SNTG2: variants seen among roughly 807,000 people sequenced by gnomAD.
SNTG2 encodes syntrophin gamma 2, also known as gamma-2-syntrophin.
In SNTG2, 74 loss-of-function variants were observed where a neutral mutation model predicts 70.9. That is an observed-to-expected ratio of 1.04 (90% CI 0.86 to 1.27). SNTG2 has a LOEUF of 1.27. Among genes scored for constraint, SNTG2 ranks in the 50% most tolerant of loss-of-function variants. SNTG2 has a pLI of 0.00. For missense variants in SNTG2, 717 were observed against 690.7 expected, an observed-to-expected ratio of 1.04 and a Z score of -0.43; for synonymous variants, 278 against 273.8, an observed-to-expected ratio of 1.02 and a Z score of -0.15.
intron 12 of SNTG2, among the ~76,000 whole-genome samples, chr2:1,250,359 C>G (rs1677678126): frequency 6.6e-6 from 1 of 152,200 alleles, no homozygotes; most frequent in Non-Finnish European, 1.5e-5. Flanking sequence ...GCTCCTCCCT[C>G]CATCTCTCTC....
intron 9 of SNTG2, among the ~76,000 whole-genome samples, chr2:1,223,065 G>T (rs368894545): frequency 3.5e-5 from 2 of 56,854 alleles, no homozygotes; most frequent in African/African-American, 1.2e-4. Context: ...AGTGATGGAG[G>T]GCGTCTCCCT....
At position 1,173,139 on chromosome 2, in the gene SNTG2, C is replaced by T; in HGVS notation, c.547C>T (p.Leu183Phe). 6.2e-7 allele frequency: 1 copy of T among 1,614,024 alleles called. No homozygotes were observed. The highest frequency in any genetic ancestry group is 8.5e-7 in the Non-Finnish European group (1 of 1,179,902). ...SDHSSGASSPLFDSGLHLNGN... is the reference protein window; with the variant it reads ...SDHSSGASSPFFDSGLHLNGN... ...CCACAGCAGTGGGGCCTCCTCTCCC[C>T]TCTTTGACAGCGGTTTGCATCTGAA... The change falls in exon 8 of 17, where the codon CTC becomes TTC. Residue 183 changes from leucine (L) to phenylalanine (F), a missense_variant. Transcript: ENST00000308624.
intron 6 of SNTG2, among the ~76,000 whole-genome samples, chr2:1,148,286 A>T (rs1669229802): frequency 6.6e-6 from 1 of 152,190 alleles, no homozygotes; most frequent in Non-Finnish European, 1.5e-5. Flanking sequence ...CACATGGAGA[A>T]GAGAGGGCCT....
At chr2:1,141,303 A>C (rs1383299152) in intron 6 of SNTG2, among the ~76,000 whole-genome samples, 1 of 152,266 alleles carries the variant, frequency 6.6e-6, no homozygotes, top group Non-Finnish European at 1.5e-5. Context: ...TTTTTCCTCA[A>C]GAATGAGTAC....
intron 14 of SNTG2, among the ~76,000 whole-genome samples, chr2:1,301,373 C>T (rs1044609980): frequency 2.6e-5 from 4 of 152,188 alleles, no homozygotes; most frequent in African/African-American, 9.7e-5. Context: ...CAAGGCATAA[C>T]ACCTGTATCA....
chr2:1,262,073 A>G (rs555238324), intron 13 of SNTG2, among the ~76,000 whole-genome samples: 19 of 152,248 alleles, frequency 1.2e-4, no homozygotes, highest in Non-Finnish European at 2.2e-4. Flanking sequence ...TGATTTTCCT[A>G]AAGCCATGTC....
intron 2 of SNTG2, among the ~76,000 whole-genome samples, chr2:1,085,141 T>A (rs1055013892): frequency 6.6e-6 from 1 of 152,212 alleles, no homozygotes; most frequent in African/African-American, 2.4e-5. Flanking sequence ...CTAACCATTA[T>A]TTTTTTTCCT....
intron 13 of SNTG2, chr2:1,262,820 C>T (rs1356059538): frequency 3.4e-5 from 5 of 146,676 alleles, no homozygotes; most frequent in South Asian, 4.4e-4. Flanking sequence ...CGACGAAACC[C>T]GAAGGCTCGG....
intron 2 of SNTG2, among the ~76,000 whole-genome samples, chr2:1,089,579 G>C (rs1489320018): frequency 6.6e-6 from 1 of 152,196 alleles, no homozygotes; most frequent in African/African-American, 2.4e-5. Context: ...AGCTTGCAGT[G>C]AGCCGAGATT....
At position 992,670 on chromosome 2, in the gene SNTG2, A is replaced by C. The variant is rs1175074617; in HGVS notation, c.72+41602A>C. Among the ~76,000 whole-genome samples the C allele has an allele frequency of 2.0e-5, 3 of 152,198 alleles. No homozygotes were observed. The East Asian group carries it at 5.8e-4, about 29-fold the overall frequency. On this transcript the variant is annotated intron_variant, in intron 1 of 16. Coordinates refer to ENST00000308624, the MANE Select transcript of SNTG2 (RefSeq NM_018968.4). Reference sequence around the variant, plus strand: ...TTGCTCCCCTTCCACATTGCATTTCATATGTGACAGTGCAGGGAGTCATTT... The same window carrying C: ...TTGCTCCCCTTCCACATTGCATTTCCTATGTGACAGTGCAGGGAGTCATTT...
At chr2:1,306,290 T>TCAG (rs1257521451) in intron 14 of SNTG2, among the ~76,000 whole-genome samples, 2 of 151,864 alleles carry the variant, frequency 1.3e-5, no homozygotes, top group Admixed American at 1.3e-4. Flanking sequence ...CCTGGAAGGG[T>TCAG]CAGGAGCTGT....
chr2:950,983 C>G lies in SNTG2; in HGVS notation c.-14C>G. ...CGGCCGGCCCGGAGCGCGGACCCAG[C>G]CGCAGGGGCGGCGATGGGCACCGAG... On this transcript the variant is annotated 5_prime_UTR_variant, in exon 1 of 17. Coordinates refer to ENST00000308624, the MANE Select transcript of SNTG2 (RefSeq NM_018968.4). The G allele has an allele frequency of 8.1e-7, 1 of 1,232,624 alleles. No homozygotes were observed. Among genetic ancestry groups the G allele is most frequent in the Non-Finnish European group, 1.0e-6 (1 of 988,038 alleles). 76.4% of individuals were successfully genotyped at this position (1,232,624 alleles called of 1,614,324 possible).
At chr2:1,183,584 G>T (rs28514746) in intron 8 of SNTG2, among the ~76,000 whole-genome samples, 5 of 151,958 alleles carry the variant, frequency 3.3e-5, no homozygotes, top group Non-Finnish European at 7.4e-5. Flanking sequence ...CAACACGATG[G>T]CAAAACAGCA....
chr2:962,659 A>G (rs963628864), intron 1 of SNTG2, among the ~76,000 whole-genome samples: 1 of 152,220 alleles, frequency 6.6e-6, no homozygotes, highest in Admixed American at 6.5e-5. Flanking sequence ...TTTTCACTTC[A>G]TCTTTGAAAT....
At chr2:1,011,013 C>T (rs1000586176) in intron 1 of SNTG2, among the ~76,000 whole-genome samples, 5 of 152,230 alleles carry the variant, frequency 3.3e-5, no homozygotes, top group African/African-American at 1.2e-4. Context: ...TTATAAGATG[C>T]AATGGTGTGT....
rs544522112 is a variant in SNTG2 at position 1,137,814 on chromosome 2, G to A, written c.411+5G>A. 6.2e-7 allele frequency: 1 copy of A among 1,607,754 alleles called. No homozygotes were observed. The highest frequency in any genetic ancestry group is 2.2e-5 in the East Asian group (1 of 44,834). On this transcript the variant is annotated splice_donor_5th_base_variant and intron_variant, in intron 6 of 16. Transcript: ENST00000308624. Reference sequence around the variant, plus strand: ...AATGCAACTCATGAAGAAGTGGTAAGTGAATTACATTTTATAGTTATTCTG... The same window carrying A: ...AATGCAACTCATGAAGAAGTGGTAAATGAATTACATTTTATAGTTATTCTG...
Position 957,043 on chromosome 2 carries a change from G to A in SNTG2, c.72+5975G>A, listed in dbSNP as rs149646357. On this transcript the variant is annotated intron_variant, in intron 1 of 16. Coordinates refer to ENST00000308624, the MANE Select transcript of SNTG2 (RefSeq NM_018968.4). ...TATATTTTACCAAATGGCTCTGTCA[G>A]TTTGCCTTTTTACATGATTAAGTTT... Among the ~76,000 whole-genome samples the A allele has an allele frequency of 6.1e-3, 936 of 152,312 alleles. 7 individuals are homozygous for A. Among genetic ancestry groups the A allele is most frequent in the South Asian group, 0.011 (53 of 4,826 alleles).
At chr2:1,017,912 C>G (rs994070987) in intron 1 of SNTG2, among the ~76,000 whole-genome samples, 2 of 152,158 alleles carry the variant, frequency 1.3e-5, no homozygotes, top group African/African-American at 4.8e-5. Flanking sequence ...GGTGTCTGGT[C>G]AGCTCATAAC....
intron 8 of SNTG2, among the ~76,000 whole-genome samples, chr2:1,173,476 TA>T (rs1198690730): frequency 6.6e-6 from 1 of 152,244 alleles, no homozygotes; most frequent in Non-Finnish European, 1.5e-5. Flanking sequence ...ACCGTGACTG[TA>T]GGAAGGACTG....
Sources: allele counts gnomAD v4.1 joint callset (sites outside exome capture counted in the v4.1 genomes callset), GRCh38; gene constraint gnomAD v4.1.1; transcripts MANE v1.5; gene names NCBI Gene and HGNC (gene_info 2026-07-23, HGNC 2026-07-21).